The following TRIM55 variants were observed in gnomAD, a reference collection of about 807,000 sequenced individuals.
The protein encoded by TRIM55 is tripartite motif-containing protein 55.
Under a neutral mutation model 60.9 loss-of-function variants are expected in TRIM55, and 50 were observed. The ratio of observed to expected loss-of-function variants is 0.82; its 90% CI spans 0.65 to 1.04. TRIM55 has a LOEUF of 1.04. TRIM55 is among the 50% of genes least tolerant of loss of function. The probability of loss-of-function intolerance (pLI) is 0.00; values close to 1 mark genes in which losing one functional copy is unlikely to be tolerated. For missense variants in TRIM55, 681 were observed against 666.9 expected (o/e 1.02, Z -0.23); for synonymous variants, 237 against 238.1 (o/e 1.00, Z 0.04).
upstream of TRIM55, among the ~76,000 whole-genome samples, chr8:66,126,430 T>C (rs1415394737): frequency 3.3e-5 from 5 of 152,164 alleles, no homozygotes; most frequent in South Asian, 2.1e-4. Flanking sequence ...AGGAAAGCAA[T>C]GTGGAAGAGC....
At chr8:66,152,982 G>T (rs1810530189) in intron 8 of TRIM55, among the ~76,000 whole-genome samples, 1 of 151,164 alleles carries the variant, frequency 6.6e-6, no homozygotes, top group Non-Finnish European at 1.5e-5. Context: ...ATAGAGAGCT[G>T]ATATCATGGG....
intron 4 of TRIM55, among the ~76,000 whole-genome samples, chr8:66,148,218 T>C (rs1563376900): frequency 6.6e-6 from 1 of 151,680 alleles, no homozygotes; most frequent in African/African-American, 2.4e-5. Context: ...AATGACTAGA[T>C]GAACTGGATA....
intron 9 of TRIM55, among the ~76,000 whole-genome samples, chr8:66,170,439 T>C (rs1300407029): frequency 3.3e-5 from 5 of 152,204 alleles, no homozygotes; most frequent in Non-Finnish European, 5.9e-5. Flanking sequence ...GGCTGAACAG[T>C]GTTCCATTGT....
chr8:66,152,191 T>A, intron 7 of TRIM55, 186 bp from the exon 8 acceptor site: 2 of 715,288 alleles, frequency 2.8e-6, no homozygotes, highest in South Asian at 4.0e-5. Context: ...TCCTTCACAT[T>A]TGTCCAGTCC....
intron 4 of TRIM55, among the ~76,000 whole-genome samples, chr8:66,147,897 C>A (rs1004711678): frequency 2.0e-5 from 3 of 151,020 alleles, no homozygotes; most frequent in African/African-American, 7.3e-5. Context: ...CCAGATTCTA[C>A]CCTCAAAAAA....
chr8:66,136,045 G>A (rs947136611), intron 3 of TRIM55, among the ~76,000 whole-genome samples: 4 of 152,150 alleles, frequency 2.6e-5, no homozygotes, highest in Non-Finnish European at 5.9e-5. Flanking sequence ...AAACTCTTGG[G>A]CAACACCAAT....
rs1808853719 is a variant in TRIM55, at chr8:66,127,162, C to T, written c.-107C>T. On this transcript the variant is annotated 5_prime_UTR_variant, in exon 1 of 10. It adds an upstream start codon to the 5' untranslated region. Transcript: ENST00000315962. ...AAACAATGTCCTCCACCGAGAGAAA[C>T]GTAAAGGACACTTGATCACACAATC... 9 of 1,243,374 alleles carry T rather than the reference C, an allele frequency of 7.2e-6. No individual in the cohort carries two copies. The highest frequency in any genetic ancestry group is 4.8e-5 in the East Asian group (2 of 41,256). 77.0% of individuals were successfully genotyped at this position (1,243,374 alleles called of 1,614,324 possible). A position where few individuals can be genotyped will look rare whatever the true frequency, so the allele number is the denominator to read the frequency against.
chr8:66,145,577 AAG>A (rs1324013121), intron 4 of TRIM55, among the ~76,000 whole-genome samples: 2 of 152,194 alleles, frequency 1.3e-5, no homozygotes, highest in African/African-American at 4.8e-5. Context: ...ATTTTGTTGA[AAG>A]AACTAGGAAT....
chr8:66,149,940 C>A, intron 5 of TRIM55, 62 bp downstream of exon 5: 1 of 1,302,238 alleles, frequency 7.7e-7, no homozygotes, highest in Non-Finnish European at 1.1e-6. Flanking sequence ...AATTAGTTAT[C>A]ACATTTTTAT....
intron 9 of TRIM55, 119 bp downstream of exon 9, chr8:66,154,453 A>G: frequency 3.8e-6 from 4 of 1,050,420 alleles, no homozygotes; most frequent in East Asian, 2.6e-5. Flanking sequence ...CAGCCAGGGG[A>G]AAAGTACAGA....
chr8:66,166,988 G>A (rs1039301514), intron 9 of TRIM55, among the ~76,000 whole-genome samples: 2 of 152,190 alleles, frequency 1.3e-5, no homozygotes, highest in Non-Finnish European at 2.9e-5. Context: ...ACTCCTGGCA[G>A]GGATGTAGCT....
At chr8:66,161,369 TG>T (rs775546831) in intron 9 of TRIM55, among the ~76,000 whole-genome samples, 1 of 152,242 alleles carries the variant, frequency 6.6e-6, no homozygotes, top group Non-Finnish European at 1.5e-5. Context: ...TTCTCTATTC[TG>T]TTCCATTGGT....
At chr8:66,150,638 T>A (rs550470517) in intron 7 of TRIM55, among the ~76,000 whole-genome samples, 172 bp downstream of exon 7, 1 of 152,130 alleles carries the variant, frequency 6.6e-6, no homozygotes, top group Admixed American at 6.5e-5. Flanking sequence ...ACATCGTTTG[T>A]TGACAGTGTT....
chr8:66,169,746 C>G (rs182040765), intron 9 of TRIM55, among the ~76,000 whole-genome samples: 1 of 152,244 alleles, frequency 6.6e-6, no homozygotes, highest in East Asian at 1.9e-4. Flanking sequence ...AGCGCTGTGA[C>G]CCTGACCGAG....
intron 9 of TRIM55, among the ~76,000 whole-genome samples, chr8:66,158,668 A>G (rs1197853660): frequency 6.6e-6 from 1 of 152,234 alleles, no homozygotes; most frequent in African/African-American, 2.4e-5. Flanking sequence ...TGGGAGGGTT[A>G]TGGACTTAGG....
intron 2 of TRIM55, among the ~76,000 whole-genome samples, chr8:66,133,090 G>A (rs573224115): frequency 2.0e-5 from 3 of 152,306 alleles, no homozygotes; most frequent in Admixed American, 6.5e-5. Flanking sequence ...GTTTAGAGGG[G>A]AAGAAGCCTT....
intron 9 of TRIM55, among the ~76,000 whole-genome samples, chr8:66,157,455 G>GAA (rs1356524207): frequency 6.6e-6 from 1 of 152,204 alleles, no homozygotes; most frequent in Non-Finnish European, 1.5e-5. Context: ...CACCACTTCA[G>GAA]AACCCAGTTT....
the TRIM55 span, among the ~76,000 whole-genome samples, chr8:66,120,082 A>G: frequency 1.3e-5 from 2 of 152,314 alleles, no homozygotes; most frequent in South Asian, 2.1e-4. Context: ...ACTCAGGGCA[A>G]CTACTTAACT....
chr8:66,155,571 A>G (rs192200083), intron 9 of TRIM55: 198 of 1,347,712 alleles, frequency 1.5e-4, no homozygotes, highest in Non-Finnish European at 2.0e-4. Flanking sequence ...ATAATGTTGA[A>G]AATAATTATT....
Sources: allele counts gnomAD v4.1 joint callset (sites outside exome capture counted in the v4.1 genomes callset), GRCh38; gene constraint gnomAD v4.1.1; transcripts MANE v1.5; gene names NCBI Gene and HGNC (gene_info 2026-07-23, HGNC 2026-07-21).